JAKMIP1: variants seen among roughly 807,000 people sequenced by gnomAD.
The protein encoded by JAKMIP1 is janus kinase and microtubule-interacting protein 1.
In JAKMIP1, 33 loss-of-function variants were observed where a neutral mutation model predicts 113.0. The ratio of observed to expected loss-of-function variants is 0.29; its 90% CI spans 0.22 to 0.39. JAKMIP1 has a LOEUF of 0.39. JAKMIP1 is among the 10% of genes least tolerant of loss of function. The pLI is 1.00. For synonymous variants in JAKMIP1, 480 were observed against 459.9 expected (o/e 1.04, Z -0.56); for missense variants, 813 against 1,080.5 (o/e 0.75, Z 3.47).
intron 20 of JAKMIP1, among the ~76,000 whole-genome samples, chr4:6,027,442 A>G (rs1049341886): frequency 2.0e-5 from 3 of 152,176 alleles, no homozygotes; most frequent in Non-Finnish European, 2.9e-5. Flanking sequence ...ATTCGTTAAG[A>G]CCATCCAGTG....
intron 1 of JAKMIP1, among the ~76,000 whole-genome samples, chr4:6,123,388 A>G (rs1217583611): frequency 6.6e-6 from 1 of 152,238 alleles, no homozygotes; most frequent in Non-Finnish European, 1.5e-5. Context: ...ACTGGAAGAC[A>G]GCATCGTGCA....
intron 1 of JAKMIP1, among the ~76,000 whole-genome samples, chr4:6,115,109 A>G (rs1345599568): frequency 1.3e-5 from 2 of 152,188 alleles, no homozygotes; most frequent in Admixed American, 1.3e-4. Context: ...AGAGTGAAAA[A>G]GGTGAAATAA....
At chr4:6,090,414 T>C (rs374693789) in intron 3 of JAKMIP1, among the ~76,000 whole-genome samples, 6 of 152,082 alleles carry the variant, frequency 3.9e-5, no homozygotes, top group East Asian at 1.9e-4. Flanking sequence ...CCAGCTGATA[T>C]CTTGATTTGG....
rs1722077294 is a variant in JAKMIP1 at position 6,155,157 on chromosome 4, A to ATG, written c.-147-42161_-147-42160insCA. Among the ~76,000 whole-genome samples, 1 of 152,126 alleles carries ATG rather than the reference A, an allele frequency of 6.6e-6. No individual in the cohort carries two copies. The highest frequency in any genetic ancestry group is 6.5e-5 in the Admixed American group (1 of 15,284). ...CAATGCAGTTGACTCTCCGCTATCAAAAGGCCTACACATGAATGCCTGGCT... is the reference window on the plus strand; with the variant it reads ...CAATGCAGTTGACTCTCCGCTATCAATGAAGGCCTACACATGAATGCCTGGCT... On this transcript the variant is annotated intron_variant, in intron 1 of 20. Transcript: ENST00000409021. The surrounding 1 kb of genome is among the most constrained non-coding windows in gnomAD (Gnocchi z 6.1).
chr4:6,070,034 A>G (rs1718738420), intron 8 of JAKMIP1: 1 of 398,570 alleles, frequency 2.5e-6, no homozygotes, highest in African/African-American at 2.1e-5. Flanking sequence ...CTCAAAACGC[A>G]AAACCCCGAA....
chr4:6,128,030 A>C (rs1037944143), intron 1 of JAKMIP1, among the ~76,000 whole-genome samples: 1 of 152,146 alleles, frequency 6.6e-6, no homozygotes, highest in African/African-American at 2.4e-5. Flanking sequence ...TTCACAGGAC[A>C]ATCTCATTTG....
intron 1 of JAKMIP1, among the ~76,000 whole-genome samples, chr4:6,173,306 G>T (rs1724965338): frequency 6.6e-6 from 1 of 152,144 alleles, no homozygotes; most frequent in Non-Finnish European, 1.5e-5. Context: ...GGGAAGGAAA[G>T]AAATGAAAAT....
chr4:6,037,679 T>C (rs1380190099), intron 18 of JAKMIP1, among the ~76,000 whole-genome samples: 1 of 140,854 alleles, frequency 7.1e-6, no homozygotes, highest in Non-Finnish European at 1.5e-5. Context: ...AGGCAGAGGC[T>C]AACCGGTAGC....
chr4:6,196,116 G>GA (rs1204388611), intron 1 of JAKMIP1, among the ~76,000 whole-genome samples: 16 of 152,190 alleles, frequency 1.1e-4, no homozygotes, highest in Non-Finnish European at 1.8e-4. Flanking sequence ...GGCCCCACTG[G>GA]GGAGCTGCCC....
Position 6,106,023 on chromosome 4 carries a change from G to A in JAKMIP1, c.130-56C>T. 1 of 1,257,956 alleles carries A rather than the reference G, an allele frequency of 7.9e-7. No individual in the cohort carries two copies. Among genetic ancestry groups the A allele is most frequent in the Non-Finnish European group, 1.1e-6 (1 of 910,344 alleles). The allele number at this position is 1,257,956 out of a possible 1,614,324, so 77.9% of individuals were successfully genotyped here. A position where few individuals can be genotyped will look rare whatever the true frequency, so the allele number is the denominator to read the frequency against. On this transcript the variant is annotated intron_variant, in intron 2 of 20. Transcript: ENST00000409021. This position sits in a 1 kb window ranked among gnomAD's most constrained non-coding sequence, Gnocchi z 5.9. ...GGGTCAGGGTCAGGGTCAGGGTCAG[G>A]GTCAGGGTCACAGCTGGGGGAGCTG...
intron 1 of JAKMIP1, among the ~76,000 whole-genome samples, chr4:6,171,017 CAT>C (rs1724579073): frequency 6.6e-6 from 1 of 151,276 alleles, no homozygotes; most frequent in Non-Finnish European, 1.5e-5. Flanking sequence ...CTGCCATCAC[CAT>C]AATCACCACC....
intron 20 of JAKMIP1, among the ~76,000 whole-genome samples, chr4:6,028,559 G>T (rs1425879384): frequency 6.6e-6 from 1 of 152,240 alleles, no homozygotes; most frequent in African/African-American, 2.4e-5. Flanking sequence ...GGACTGGAAA[G>T]GCTGTCATCC....
At chr4:6,054,243 A>G (rs1214079716) in intron 12 of JAKMIP1, 95 bp from the exon 13 acceptor site, 2 of 1,236,652 alleles carry the variant, frequency 1.6e-6, no homozygotes, top group Non-Finnish European at 2.3e-6. Flanking sequence ...AGGGAAACAG[A>G]CGACTGGCCA....
rs1320815882 is a variant in JAKMIP1 at position 6,069,829 on chromosome 4, T to C, written c.1303-4821A>G. ...ATGTCTCCTCCATTTACACTTTGCA[T>C]ATACAGAGGTGCTCTTCCTCAGCGG... is the stretch of plus-strand genomic sequence containing the variant. On this transcript the variant is annotated intron_variant, in intron 8 of 20. Coordinates refer to ENST00000409021, the MANE Select transcript of JAKMIP1 (RefSeq NM_001099433.2). The surrounding 1 kb of genome is among the most constrained non-coding windows in gnomAD (Gnocchi z 4.5). Among the ~76,000 whole-genome samples, 1 of 151,656 alleles carries C rather than the reference T, an allele frequency of 6.6e-6. No homozygotes were observed. Among genetic ancestry groups the C allele is most frequent in the South Asian group, 2.1e-4 (1 of 4,800 alleles).
chr4:6,063,972 C>T (rs114390525), intron 9 of JAKMIP1, among the ~76,000 whole-genome samples: 186 of 152,334 alleles, frequency 1.2e-3, no homozygotes, highest in African/African-American at 4.2e-3. Flanking sequence ...CTGCCCCTGC[C>T]GGAGGGCACT....
In JAKMIP1 at chr4:6,178,070, G is replaced by T. The variant is rs911311723; in HGVS notation, c.-148+22183C>A. Among the ~76,000 whole-genome samples the T allele has an allele frequency of 1.3e-5, 2 of 152,124 alleles. No individual in the cohort carries two copies. Among genetic ancestry groups the T allele is most frequent in the Non-Finnish European group, 2.9e-5 (2 of 68,024 alleles). On this transcript the variant is annotated intron_variant, in intron 1 of 20. Coordinates refer to ENST00000409021, the MANE Select transcript of JAKMIP1 (RefSeq NM_001099433.2). This position sits in a 1 kb window ranked among gnomAD's most constrained non-coding sequence, Gnocchi z 5.5. The stretch of plus-strand genomic sequence containing the variant: ...GTCCAGCCCCTAACCCCGCCTCGTT[G>T]GCCACGCCCACTTCATGCTTCCTGT...
chr4:6,077,817 T>C (rs1031333966), intron 8 of JAKMIP1, among the ~76,000 whole-genome samples: 10 of 152,094 alleles, frequency 6.6e-5, no homozygotes, highest in Non-Finnish European at 1.3e-4. Context: ...GATTTTGTGG[T>C]ACTTTGTTAA....
In JAKMIP1 at chr4:6,059,359, C is replaced by T. The variant is rs1456123963; in HGVS notation, c.1644+1065G>A. On this transcript the variant is annotated intron_variant, in intron 11 of 20. Transcript: ENST00000409021. This position sits in a 1 kb window ranked among gnomAD's most constrained non-coding sequence, Gnocchi z 4.8. Reference sequence around the variant, plus strand: ...AGCTGCCAGCTTTGCAGCTTTGCAGCTTTGCAGTGCTCTTCTGGAGCTGCT... The same window carrying T: ...AGCTGCCAGCTTTGCAGCTTTGCAGTTTTGCAGTGCTCTTCTGGAGCTGCT... Among the ~76,000 whole-genome samples, 1 of 152,190 alleles carries T rather than the reference C, an allele frequency of 6.6e-6. No individual in the cohort carries two copies. Among genetic ancestry groups the T allele is most frequent in the African/African-American group, 2.4e-5 (1 of 41,454 alleles).
At chr4:6,096,395 C>T (rs1711772634) in intron 3 of JAKMIP1, among the ~76,000 whole-genome samples, 1 of 152,168 alleles carries the variant, frequency 6.6e-6, no homozygotes. Context: ...ACTTTTTATA[C>T]ACTGAGGATG....
Sources: allele counts gnomAD v4.1 joint callset (sites outside exome capture counted in the v4.1 genomes callset), GRCh38; gene constraint gnomAD v4.1.1; non-coding constraint Gnocchi (gnomAD v3.1); transcripts MANE v1.5; gene names NCBI Gene and HGNC (gene_info 2026-07-23, HGNC 2026-07-21).